SYNE1: variants seen among roughly 807,000 people sequenced by gnomAD.
The protein encoded by SYNE1 is spectrin repeat containing nuclear envelope protein 1.
Under a neutral mutation model 1,111.0 loss-of-function variants are expected in SYNE1, and 616 were observed. That is an observed-to-expected ratio of 0.55 (90% CI 0.52 to 0.59). The LOEUF (loss-of-function observed/expected upper bound fraction) is 0.59. SYNE1 is among the 20% of genes least tolerant of loss of function. SYNE1 has a pLI of 0.00. For synonymous variants in SYNE1, 3,855 were observed against 3,825.8 expected (o/e 1.01, Z -0.28); for missense variants, 10,006 against 10,417.0 (o/e 0.96, Z 1.72).
intron 97 of SYNE1, among the ~76,000 whole-genome samples, chr6:152,280,213 T>C (rs2093948705): frequency 6.6e-6 from 1 of 152,220 alleles, no homozygotes; most frequent in Admixed American, 6.5e-5. Flanking sequence ...TTTAGCTGGC[T>C]TATATGTAAG....
At chr6:152,538,934 T>A (rs1350075930) in intron 4 of SYNE1, among the ~76,000 whole-genome samples, 2 of 152,112 alleles carry the variant, frequency 1.3e-5, no homozygotes, top group African/African-American at 2.4e-5. Flanking sequence ...TTTACTAATT[T>A]TTTCCTGTCT....
intron 37 of SYNE1, 38 bp downstream of exon 37, chr6:152,428,167 T>C (rs1272993620): frequency 1.9e-6 from 3 of 1,609,210 alleles, no homozygotes; most frequent in East Asian, 2.2e-5. Flanking sequence ...GAATTTCCTA[T>C]TTAGTAGTGC....
In SYNE1 at chr6:152,484,815, C is replaced by A; in HGVS notation, c.1185+20G>T. 1 of 1,613,014 alleles carries A rather than the reference C, an allele frequency of 6.2e-7. No individual in the cohort carries two copies. The highest frequency in any genetic ancestry group is 8.5e-7 in the Non-Finnish European group (1 of 1,179,338). ...TCTAAATTTATTAAGCTCAGTATAA[C>A]TAATTGTGGGAGAACTTACCCTGGA... On this transcript the variant is annotated intron_variant, in intron 13 of 145. Transcript: ENST00000367255.
At chr6:152,619,964 T>G (rs966584862) in intron 3 of SYNE1, among the ~76,000 whole-genome samples, 1 of 152,236 alleles carries the variant, frequency 6.6e-6, no homozygotes, top group African/African-American at 2.4e-5. Flanking sequence ...CTGAGCATCT[T>G]GAACCTCCTT....
Position 152,416,701 on chromosome 6 carries a change from A to G in SYNE1, c.5736T>C (p.Ala1912=). The G allele has an allele frequency of 6.2e-7, 1 of 1,614,208 alleles. No individual in the cohort carries two copies. The highest frequency in any genetic ancestry group is 8.5e-7 in the Non-Finnish European group (1 of 1,180,040). ...ATTCTAATGCTTTAGCATTTTGAAG[A>G]GCATCATTGAGGTCCTTTTCTATCA... ...SDLIEKDLND[A]LQNAKALESA... is the part of the protein sequence containing the mutation. Residue 1912 remains alanine, a synonymous_variant, in exon 41 of 146, where the codon GCT becomes GCC. Coordinates refer to ENST00000367255, the MANE Select transcript of SYNE1 (RefSeq NM_182961.4).
chr6:152,593,896 G>A (rs888419864), intron 3 of SYNE1, among the ~76,000 whole-genome samples: 7 of 152,020 alleles, frequency 4.6e-5, no homozygotes, highest in African/African-American at 1.7e-4. Flanking sequence ...TAGTAACATG[G>A]GCCTCCACAA....
chr6:152,232,201 A>G lies in SYNE1; in HGVS notation c.20777T>C (p.Met6926Thr). The G allele has an allele frequency of 6.2e-7, 1 of 1,613,792 alleles. No homozygotes were observed. The change falls in exon 113 of 146, where the codon ATG becomes ACG. Residue 6926 changes from methionine (M) to threonine (T), a missense_variant. By Grantham distance (81) the Met-to-Thr change is moderately conservative. Transcript: ENST00000367255. ...ISEVMSWISLMENVIQKDEDN... is the reference protein window; with the variant it reads ...ISEVMSWISLTENVIQKDEDN... The stretch of plus-strand genomic sequence containing the variant: ...TTCATCCTTCTGAATAACATTTTCC[A>G]TTAGAGAAATCCAACTCATGACTTC...
At chr6:152,239,064 AT>A (rs2084917551) in intron 108 of SYNE1, among the ~76,000 whole-genome samples, 1 of 151,664 alleles carries the variant, frequency 6.6e-6, no homozygotes, top group South Asian at 2.1e-4. Flanking sequence ...CGTCCGGCTA[AT>A]TTTTTGTATT....
rs548942736 is a variant in SYNE1 at position 152,620,234 on chromosome 6, G to T, written c.67+8031C>A. 2.0e-5 allele frequency among the ~76,000 whole-genome samples: 3 copies of T among 152,192 alleles called. No individual in the cohort carries two copies. The East Asian group carries it at 5.8e-4, about 29-fold the overall frequency. The stretch of plus-strand genomic sequence containing the variant: ...TTTTCTTCCTACCACACAGGCTGCA[G>T]CTTCTTAGTCTCATATGTGGGACTC... On this transcript the variant is annotated intron_variant, in intron 3 of 145. Coordinates refer to ENST00000367255, the MANE Select transcript of SYNE1 (RefSeq NM_182961.4).
intron 2 of SYNE1, among the ~76,000 whole-genome samples, chr6:152,635,715 A>T (rs2099704864): frequency 6.6e-6 from 1 of 152,226 alleles, no homozygotes; most frequent in Admixed American, 6.5e-5. Flanking sequence ...GAAGAGAAAA[A>T]TAATTCATTT....
At position 152,505,331 on chromosome 6, in the gene SYNE1, A is replaced by C; in HGVS notation, c.648T>G (p.Val216=). The change falls in exon 9 of 146, where the codon GTT becomes GTG. Residue 216 remains valine, a synonymous_variant. Coordinates refer to ENST00000367255, the MANE Select transcript of SYNE1 (RefSeq NM_182961.4). The stretch of plus-strand genomic sequence containing the variant: ...CCAATTCCGGTCGAATGGCATGAAT[A>C]ACTGAATGAAAGGCAACCCCGCTTC... ...SWRSGVAFHS[V]IHAIRPELVD... is the part of the protein sequence containing the mutation. 6.2e-7 allele frequency: 1 copy of C among 1,614,172 alleles called. No homozygotes were observed. Among genetic ancestry groups the C allele is most frequent in the South Asian group, 1.1e-5 (1 of 91,080 alleles).
chr6:152,287,805 C>A (rs1260970674), intron 95 of SYNE1, among the ~76,000 whole-genome samples: 1 of 152,170 alleles, frequency 6.6e-6, no homozygotes, highest in African/African-American at 2.4e-5. Context: ...CTTCAGCCTC[C>A]CAAAGTGCTG....
intron 4 of SYNE1, among the ~76,000 whole-genome samples, chr6:152,539,631 A>G (rs1430845727): frequency 6.6e-6 from 1 of 152,204 alleles, no homozygotes; most frequent in East Asian, 1.9e-4. Flanking sequence ...ATAGGAACAA[A>G]CACACACAAA....
At chr6:152,442,978 G>A (rs1243471902) in intron 30 of SYNE1, among the ~76,000 whole-genome samples, 2 of 152,114 alleles carry the variant, frequency 1.3e-5, no homozygotes, top group Non-Finnish European at 2.9e-5. Context: ...TATTTCCTAA[G>A]TATATTCGGA....
chr6:152,257,492 C>G (rs2091106646), intron 101 of SYNE1, among the ~76,000 whole-genome samples: 2 of 152,320 alleles, frequency 1.3e-5, no homozygotes, highest in Admixed American at 6.5e-5. Flanking sequence ...GATCACACCA[C>G]TGCACTCCAG....
At chr6:152,446,913 A>T (rs2098597634) in intron 29 of SYNE1, among the ~76,000 whole-genome samples, 1 of 152,226 alleles carries the variant, frequency 6.6e-6, no homozygotes, top group South Asian at 2.1e-4. Flanking sequence ...ATTATTACTA[A>T]GAACCAGCTA....
intron 84 of SYNE1, chr6:152,320,016 T>C (rs1414190561): frequency 6.6e-6 from 1 of 152,070 alleles, no homozygotes; most frequent in Non-Finnish European, 1.5e-5. Flanking sequence ...TACAAAAAAT[T>C]AGCCGGGTAT....
intron 3 of SYNE1, among the ~76,000 whole-genome samples, chr6:152,542,568 TGCCC>T (rs1218771795): frequency 6.6e-6 from 1 of 152,126 alleles, no homozygotes; most frequent in Non-Finnish European, 1.5e-5. Context: ...ACTATTATAA[TGCCC>T]ATTTTACATA....
rs1592513127 is a variant in SYNE1 at position 152,429,189 on chromosome 6, C to T, written c.4789-797G>A. Among the ~76,000 whole-genome samples the T allele has an allele frequency of 4.0e-5, 6 of 151,820 alleles. No individual in the cohort carries two copies. The South Asian group carries it at 1.2e-3, about 32-fold the overall frequency. ...CCCATGTATTGACTCTTTTCATCTT[C>T]CTGAGAACCCTAAGAGGTATGTTAT... is the stretch of plus-strand genomic sequence containing the variant. On this transcript the variant is annotated intron_variant, in intron 36 of 145. Transcript: ENST00000367255.
Sources: allele counts gnomAD v4.1 joint callset (sites outside exome capture counted in the v4.1 genomes callset), GRCh38; gene constraint gnomAD v4.1.1; transcripts MANE v1.5; gene names NCBI Gene and HGNC (gene_info 2026-07-23, HGNC 2026-07-21).